Variants in SLC24A2 observed in about 807,000 individuals in gnomAD.
SLC24A2 encodes solute carrier family 24 member 2.
In SLC24A2, 36 loss-of-function variants were observed where a neutral mutation model predicts 62.0. The observed-to-expected ratio is 0.58, with a 90% CI of 0.44 to 0.77. The LOEUF is 0.77. Among genes scored for constraint, SLC24A2 ranks in the 30% least tolerant of loss-of-function variants. The pLI, the probability that SLC24A2 is intolerant of heterozygous loss-of-function variation, is 0.00. For synonymous variants in SLC24A2, 358 were observed against 294.0 expected (o/e 1.22, Z -2.23); for missense variants, 846 against 817.9 (o/e 1.03, Z -0.42).
chr9:20,099,894 A>C, the SLC24A2 span, among the ~76,000 whole-genome samples: 16 of 152,188 alleles, frequency 1.1e-4, no homozygotes, highest in Non-Finnish European at 2.1e-4. Flanking sequence ...CACTCATGGG[A>C]ATTTCACAAG....
At chr9:19,782,836 TGAGGCTTAGA>T (rs1823055207) in intron 2 of SLC24A2, among the ~76,000 whole-genome samples, 1 of 152,236 alleles carries the variant, frequency 6.6e-6, no homozygotes, top group Admixed American at 6.5e-5. Flanking sequence ...ATTAGGAAAC[TGAGGCTTAGA>T]GAGTTAAAAT....
At chr9:19,707,018 TAAA>T (rs1344987096) in intron 2 of SLC24A2, among the ~76,000 whole-genome samples, 1 of 150,872 alleles carries the variant, frequency 6.6e-6, no homozygotes, top group Non-Finnish European at 1.5e-5. Flanking sequence ...GCAAGACTAA[TAAA>T]GAAGAAAAGA....
the SLC24A2 span, among the ~76,000 whole-genome samples, chr9:20,227,458 G>A: frequency 2.7e-5 from 4 of 150,276 alleles, no homozygotes; most frequent in Admixed American, 2.0e-4. Flanking sequence ...AAGGTCTCAT[G>A]GAGAACTAAA....
At chr9:19,544,871 T>C (rs753715042) in intron 8 of SLC24A2, among the ~76,000 whole-genome samples, 2 of 152,196 alleles carry the variant, frequency 1.3e-5, no homozygotes, top group African/African-American at 2.4e-5. Context: ...TTTTCCTTCA[T>C]TTCAACTTTG....
At chr9:20,207,348 C>G in the SLC24A2 span, among the ~76,000 whole-genome samples, 1 of 152,188 alleles carries the variant, frequency 6.6e-6, no homozygotes, top group Non-Finnish European at 1.5e-5. Context: ...CTCCTTGCCT[C>G]ATGCCTCATG....
At chr9:19,625,152 T>C (rs1247443930) in intron 2 of SLC24A2, among the ~76,000 whole-genome samples, 1 of 152,194 alleles carries the variant, frequency 6.6e-6, no homozygotes, top group Non-Finnish European at 1.5e-5. Flanking sequence ...CTCTAAGGAT[T>C]AATCTTGGCA....
At chr9:19,654,868 A>G (rs142432700) in intron 2 of SLC24A2, among the ~76,000 whole-genome samples, 169 of 152,260 alleles carry the variant, frequency 1.1e-3, no homozygotes, top group African/African-American at 3.8e-3. Context: ...ATCAGTGTTC[A>G]CTGTGGAGAC....
chr9:20,125,907 A>G, the SLC24A2 span, among the ~76,000 whole-genome samples: 2 of 152,098 alleles, frequency 1.3e-5, no homozygotes, highest in African/African-American at 4.8e-5. Flanking sequence ...TTTCCAGCAT[A>G]CAGAATTGCT....
At chr9:19,837,324 C>T in the SLC24A2 span, among the ~76,000 whole-genome samples, 8 of 150,952 alleles carry the variant, frequency 5.3e-5, no homozygotes, top group South Asian at 4.2e-4. Context: ...CGGTGGCGGG[C>T]GCCTGTAGTC....
At position 19,576,945 on chromosome 9, in the gene SLC24A2, T is replaced by G; in HGVS notation, c.1207A>C (p.Asn403His). 1 of 1,613,998 alleles carries G rather than the reference T, an allele frequency of 6.2e-7. No individual in the cohort carries two copies. Among genetic ancestry groups the G allele is most frequent in the Non-Finnish European group, 8.5e-7 (1 of 1,179,844 alleles). ...TCACCCACGTGGTTGGCAGCCCCAT[T>G]CTGCCTCTCGTTCTCATCCACATGA... ...KCHVDENERQNGAANHVEKIE... is the reference protein window; with the variant it reads ...KCHVDENERQHGAANHVEKIE... The change falls in exon 6 of 11, where the codon AAT becomes CAT. Residue 403 changes from asparagine to histidine, a missense_variant. Coordinates refer to ENST00000341998, the MANE Select transcript of SLC24A2 (RefSeq NM_020344.4).
At chr9:20,028,609 A>G in the SLC24A2 span, among the ~76,000 whole-genome samples, 2 of 152,110 alleles carry the variant, frequency 1.3e-5, no homozygotes, top group Non-Finnish European at 1.5e-5. Context: ...TCCGCCTTCC[A>G]TAGAAACGTG....
At chr9:19,709,750 T>G in intron 2 of SLC24A2, among the ~76,000 whole-genome samples, 1 of 86,564 alleles carries the variant, frequency 1.2e-5, no homozygotes, top group Admixed American at 1.7e-4. Flanking sequence ...GGGACTGTTG[T>G]GGTGTGGGGG....
chr9:19,746,795 T>C (rs75691962), intron 2 of SLC24A2, among the ~76,000 whole-genome samples: 4 of 152,160 alleles, frequency 2.6e-5, no homozygotes, highest in Non-Finnish European at 4.4e-5. Flanking sequence ...GTCACACTTA[T>C]CTTGTTGATT....
the SLC24A2 span, among the ~76,000 whole-genome samples, chr9:20,206,799 T>C: frequency 6.6e-6 from 1 of 151,680 alleles, no homozygotes. Context: ...TTTTAATTAA[T>C]AAATCTTTTT....
At chr9:20,202,699 G>T in the SLC24A2 span, among the ~76,000 whole-genome samples, 2 of 151,992 alleles carry the variant, frequency 1.3e-5, no homozygotes, top group Non-Finnish European at 2.9e-5. Flanking sequence ...GAAGAAGAGG[G>T]GAGAAAGGCA....
the SLC24A2 span, among the ~76,000 whole-genome samples, chr9:19,898,893 T>G: frequency 3.9e-5 from 6 of 152,264 alleles, no homozygotes; most frequent in East Asian, 1.2e-3. Context: ...TCCAGGTTAT[T>G]AGGTGGCTCA....
the SLC24A2 span, among the ~76,000 whole-genome samples, chr9:20,101,853 G>T: frequency 1.3e-5 from 2 of 152,180 alleles, no homozygotes; most frequent in African/African-American, 4.8e-5. Context: ...AATGGAAACT[G>T]TGCCCTTACC....
At position 19,537,035 on chromosome 9, in the gene SLC24A2, T is replaced by C. The variant is rs796580657; in HGVS notation, c.1480-8897A>G. Among the ~76,000 whole-genome samples the C allele has an allele frequency of 1.4e-3, 203 of 149,166 alleles. 8 individuals are homozygous for C. The East Asian group carries it at 0.036, about 27-fold the overall frequency. ...GTGTCTGTTCATGTCCTTTGCCCAC[T>C]TTTTGATGGGGTTGTTTGTTTTTTT... On this transcript the variant is annotated intron_variant, in intron 8 of 10. Transcript: ENST00000341998.
chr9:19,812,066 T>C, the SLC24A2 span, among the ~76,000 whole-genome samples: 1 of 152,212 alleles, frequency 6.6e-6, no homozygotes, highest in Non-Finnish European at 1.5e-5. Flanking sequence ...TAATTTTCTT[T>C]AATTTCTTTC....
Sources: allele counts gnomAD v4.1 joint callset (sites outside exome capture counted in the v4.1 genomes callset), GRCh38; gene constraint gnomAD v4.1.1; transcripts MANE v1.5; gene names NCBI Gene and HGNC (gene_info 2026-07-23, HGNC 2026-07-21).